The following RASSF3 variants were observed in gnomAD, a reference collection of about 807,000 sequenced individuals.
RASSF3 encodes the protein ras association domain-containing protein 3.
Under a neutral mutation model 19.9 loss-of-function variants are expected in RASSF3, and 19 were observed. That is an observed-to-expected ratio of 0.96 (90% confidence interval 0.67 to 1.40). The LOEUF is 1.40. Ranked by LOEUF, RASSF3 falls within the 40% of genes most tolerant of loss-of-function variation. The pLI is 0.00. For synonymous variants in RASSF3, 110 were observed against 104.2 expected (o/e 1.06, Z -0.34); for missense variants, 306 against 289.8 (o/e 1.06, Z -0.41).
At chr12:64,640,045 C>T (rs1033434319) in intron 1 of RASSF3, among the ~76,000 whole-genome samples, 2 of 152,222 alleles carry the variant, frequency 1.3e-5, no homozygotes, top group African/African-American at 2.4e-5. Flanking sequence ...CATGTGAGGC[C>T]TCAGAGGGTC....
intron 3 of RASSF3, among the ~76,000 whole-genome samples, chr12:64,691,164 T>TA (rs1868273714): frequency 2.0e-5 from 3 of 152,230 alleles, no homozygotes; most frequent in Non-Finnish European, 2.9e-5. Flanking sequence ...GCCTGGCTCT[T>TA]ACCTTGTTTT....
At chr12:64,580,768 C>G (rs1869681707) in intron 2 of RASSF3, among the ~76,000 whole-genome samples, 2 of 152,082 alleles carry the variant, frequency 1.3e-5, no homozygotes. Flanking sequence ...ATTCCAATCT[C>G]TGCCTTTGTC....
intron 1 of RASSF3, among the ~76,000 whole-genome samples, chr12:64,524,215 C>T (rs1271070126): frequency 7.1e-6 from 1 of 140,780 alleles, no homozygotes; most frequent in African/African-American, 2.6e-5. Flanking sequence ...CCATGCCCGG[C>T]AATTTTATTT....
intron 2 of RASSF3, among the ~76,000 whole-genome samples, chr12:64,596,862 T>C (rs948190266): frequency 3.3e-5 from 5 of 152,118 alleles, no homozygotes; most frequent in Non-Finnish European, 7.4e-5. Flanking sequence ...CCCAAGTAGC[T>C]GGGATTACAG....
Position 64,573,813 on chromosome 12 carries a change from T to C in RASSF3, c.294+32108T>C, listed in dbSNP as rs73317568. Among the ~76,000 whole-genome samples the C allele has an allele frequency of 3.5e-3, 536 of 152,246 alleles. 1 individual carries two copies. Among genetic ancestry groups the C allele is most frequent in the African/African-American group, 0.012 (497 of 41,542 alleles). On this transcript the variant is annotated intron_variant, in intron 2 of 5. Transcript: ENST00000637125. ...ATCACCATGGCCATTTTCTATTCAT[T>C]AGAAGCAAGTCACTAGATCCAGCCC...
chr12:64,663,840 C>CA (rs1872455817), intron 1 of RASSF3, among the ~76,000 whole-genome samples: 10 of 73,084 alleles, frequency 1.4e-4, no homozygotes. Flanking sequence ...TTAGCCTTGC[C>CA]TTTTTTTTTT....
intron 1 of RASSF3, among the ~76,000 whole-genome samples, chr12:64,625,445 C>CT (rs398044420): frequency 0.12 from 17,576 of 144,724 alleles, 1,099 homozygotes; most frequent in East Asian, 0.27. Flanking sequence ...ACATTGTACA[C>CT]TTTTTTTTTT....
At chr12:64,647,118 T>C (rs1871762612) in intron 1 of RASSF3, among the ~76,000 whole-genome samples, 1 of 152,198 alleles carries the variant, frequency 6.6e-6, no homozygotes. Context: ...TCTATGTAGT[T>C]AGGATTTACT....
intron 2 of RASSF3, among the ~76,000 whole-genome samples, chr12:64,600,123 A>G (rs376799217): frequency 4.0e-4 from 61 of 151,312 alleles, no homozygotes; most frequent in African/African-American, 1.4e-3. Flanking sequence ...TCCTTATCTG[A>G]GGGGTCTTTT....
intron 2 of RASSF3, among the ~76,000 whole-genome samples, chr12:64,566,057 TG>T (rs1309289214): frequency 1.3e-5 from 2 of 151,714 alleles, no homozygotes; most frequent in African/African-American, 2.4e-5. Flanking sequence ...AAAAATGAGC[TG>T]GGTGTGGTGG....
chr12:64,606,729 C>T (rs1271767521), upstream of RASSF3, among the ~76,000 whole-genome samples: 3 of 151,508 alleles, frequency 2.0e-5, no homozygotes, highest in East Asian at 2.0e-4. Context: ...GCGGGAGGAT[C>T]GCTTGAACCC....
chr12:64,598,789 G>A (rs1246436449), intron 2 of RASSF3, among the ~76,000 whole-genome samples: 1 of 151,518 alleles, frequency 6.6e-6, no homozygotes, highest in East Asian at 1.9e-4. Context: ...TGCACAACGT[G>A]CAGGTTTGTT....
At chr12:64,676,770 C>T (rs1872921584) in intron 1 of RASSF3, among the ~76,000 whole-genome samples, 2 of 148,212 alleles carry the variant, frequency 1.3e-5, no homozygotes, top group Admixed American at 1.3e-4. Context: ...TGCACCTGGC[C>T]ACTTTTTTTT....
intron 1 of RASSF3, among the ~76,000 whole-genome samples, chr12:64,540,856 G>A (rs936814884): frequency 6.6e-6 from 1 of 151,904 alleles, no homozygotes; most frequent in Non-Finnish European, 1.5e-5. Context: ...CTGCAGCCTC[G>A]ACCTTCTGGG....
chr12:64,689,224 T>G (rs1257982799), intron 3 of RASSF3, among the ~76,000 whole-genome samples: 3 of 151,108 alleles, frequency 2.0e-5, no homozygotes, highest in African/African-American at 7.3e-5. Flanking sequence ...AATCGGGGTG[T>G]GTGTGTGTGT....
chr12:64,572,132 ATTAT>A (rs1394103531), intron 2 of RASSF3, among the ~76,000 whole-genome samples: 1 of 150,716 alleles, frequency 6.6e-6, no homozygotes, highest in Non-Finnish European at 1.5e-5. Flanking sequence ...TGTGTGTGTG[ATTAT>A]TTATGTCTTC....
intron 1 of RASSF3, among the ~76,000 whole-genome samples, chr12:64,516,605 C>A (rs1451900996): frequency 1.5e-5 from 2 of 130,210 alleles, no homozygotes; most frequent in Non-Finnish European, 3.2e-5. Context: ...GGCGACAGAG[C>A]GAGACTCCGT....
In RASSF3 at chr12:64,696,056, C is replaced by T. The variant is rs1372804431; in HGVS notation, c.*1144C>T. On this transcript the variant is annotated 3_prime_UTR_variant, in exon 5 of 5. Transcript: ENST00000542104. ...TTTCTTCCCTTTTTTCTTTCCTTCC[C>T]TGCTGTCTCCCACCCTACCTTGTTC... The T allele has an allele frequency of 1.7e-5, 2 of 115,924 alleles. No homozygotes were observed. The highest frequency in any genetic ancestry group is 1.7e-4 in the Admixed American group (2 of 11,734). The allele number at this position is 115,924 out of a possible 1,614,324, so 7.2% of individuals were successfully genotyped here.
upstream of RASSF3, among the ~76,000 whole-genome samples, chr12:64,530,451 A>G (rs1868684487): frequency 6.6e-6 from 1 of 152,050 alleles, no homozygotes; most frequent in African/African-American, 2.4e-5. Flanking sequence ...CCCATTGCAC[A>G]ACAATTTATC....
Sources: gnomAD v4.1 joint callset for allele counts (sites outside exome capture counted in the v4.1 genomes callset) on GRCh38, gnomAD v4.1.1 for gene constraint, MANE v1.5 for transcripts, NCBI Gene and HGNC (gene_info 2026-07-23, HGNC 2026-07-21) for gene names.